Variants in SERPINE3 observed in about 807,000 individuals in gnomAD.
SERPINE3 encodes the protein serpin family E member 3.
Under a neutral mutation model 41.7 loss-of-function variants are expected in SERPINE3, and 43 were observed. The ratio of observed to expected loss-of-function variants is 1.03; its 90% CI spans 0.81 to 1.33. The LOEUF (loss-of-function observed/expected upper bound fraction) is 1.33. Among genes scored for constraint, SERPINE3 ranks in the 40% most tolerant of loss-of-function variants. The pLI is 0.00. For missense variants in SERPINE3, 440 were observed against 491.7 expected (o/e 0.89, Z 0.99); for synonymous variants, 200 against 192.2 (o/e 1.04, Z -0.34).
chr13:51,343,273 A>T (rs1370285100), intron 3 of SERPINE3, among the ~76,000 whole-genome samples: 1 of 152,202 alleles, frequency 6.6e-6, no homozygotes, highest in Non-Finnish European at 1.5e-5. Flanking sequence ...TGTGCCTAAA[A>T]GGGAGTAGAA....
chr13:51,361,641 G>A (rs1192661271), intron 8 of SERPINE3, 169 bp from the exon 9 acceptor site: 1 of 621,476 alleles, frequency 1.6e-6, no homozygotes. Context: ...TTGGCTAAAT[G>A]GCATCTTTTC....
At chr13:51,361,712 G>A in intron 8 of SERPINE3, 98 bp from the exon 9 acceptor site, 1 of 1,055,678 alleles carries the variant, frequency 9.5e-7, no homozygotes, top group African/African-American at 1.6e-5. Flanking sequence ...CCATTAGGAT[G>A]CTTTGATTTC....
At chr13:51,351,319 C>A (rs1389036220) in intron 6 of SERPINE3, among the ~76,000 whole-genome samples, 1 of 152,060 alleles carries the variant, frequency 6.6e-6, no homozygotes, top group Non-Finnish European at 1.5e-5. Flanking sequence ...TTGTTAATGA[C>A]CATCTTTTTA....
At chr13:51,356,521 A>C (rs1187225195) in intron 7 of SERPINE3, among the ~76,000 whole-genome samples, 1 of 152,130 alleles carries the variant, frequency 6.6e-6, no homozygotes, top group African/African-American at 2.4e-5. Flanking sequence ...TTTCTTCTAC[A>C]TCGCTGTATT....
At chr13:51,346,626 C>G (rs775088191) in intron 4 of SERPINE3, among the ~76,000 whole-genome samples, 16 of 152,232 alleles carry the variant, frequency 1.1e-4, no homozygotes, top group Non-Finnish European at 2.1e-4. Context: ...TGAGTTCTCA[C>G]TTTCCATTTC....
intron 7 of SERPINE3, among the ~76,000 whole-genome samples, chr13:51,360,072 G>A (rs1226126281): frequency 6.6e-6 from 1 of 152,052 alleles, no homozygotes; most frequent in Non-Finnish European, 1.5e-5. Context: ...CATCTTACAA[G>A]ATGGATGGAA....
At chr13:51,354,788 G>C (rs987651260) in intron 6 of SERPINE3, among the ~76,000 whole-genome samples, 1 of 152,080 alleles carries the variant, frequency 6.6e-6, no homozygotes. Flanking sequence ...ACTGAAAAAT[G>C]GATAATAACT....
At chr13:51,357,674 C>G (rs12428053) in intron 7 of SERPINE3, among the ~76,000 whole-genome samples, 14,281 of 152,012 alleles carry the variant, frequency 0.094, 988 homozygotes, top group Admixed American at 0.2. Flanking sequence ...AGTTCCCCCC[C>G]AGTCTCCTTG....
At chr13:51,347,726 G>A (rs541161801) in intron 5 of SERPINE3, among the ~76,000 whole-genome samples, 13 of 152,240 alleles carry the variant, frequency 8.5e-5, no homozygotes, top group African/African-American at 2.6e-4. Context: ...ATTTCCTGAC[G>A]TCCTTCTCTG....
chr13:51,349,605 T>C (rs184325285), intron 6 of SERPINE3, among the ~76,000 whole-genome samples: 249 of 152,226 alleles, frequency 1.6e-3, no homozygotes, highest in African/African-American at 5.3e-3. Flanking sequence ...AAGAGACAGA[T>C]GGTGGGACTC....
chr13:51,352,599 T>C lies in SERPINE3; in HGVS notation c.900-2444T>C, dbSNP rs185011169. ...TCTATTTCTTTTTCTCATTTAATTGTCCTACTCGCCCTCCAGTACCATGTG... is the reference window on the plus strand; with the variant it reads ...TCTATTTCTTTTTCTCATTTAATTGCCCTACTCGCCCTCCAGTACCATGTG... On this transcript the variant is annotated intron_variant, in intron 6 of 9. Coordinates refer to ENST00000681248, the MANE Select transcript of SERPINE3 (RefSeq NM_001386375.1). 4.1e-3 allele frequency among the ~76,000 whole-genome samples: 630 copies of C among 152,136 alleles called. 3 individuals are homozygous for C. Among genetic ancestry groups the C allele is most frequent in the African/African-American group, 0.014 (596 of 41,538 alleles).
At chr13:51,360,114 A>C (rs1566197111) in intron 7 of SERPINE3, among the ~76,000 whole-genome samples, 1 of 152,056 alleles carries the variant, frequency 6.6e-6, no homozygotes, top group Non-Finnish European at 1.5e-5. Flanking sequence ...GTCTGGTTTT[A>C]TTCTCTCATG....
At chr13:51,361,705 T>G (rs1955580590) in intron 8 of SERPINE3, 105 bp from the exon 9 acceptor site, 2 of 998,952 alleles carry the variant, frequency 2.0e-6, no homozygotes, top group South Asian at 1.8e-5. Flanking sequence ...TCAAATGCCA[T>G]TAGGATGCTT....
intron 7 of SERPINE3, 71 bp downstream of exon 7, chr13:51,355,214 G>T (rs1440141537): frequency 5.3e-6 from 3 of 567,598 alleles, no homozygotes; most frequent in East Asian, 3.3e-5. Context: ...TTGATTAAGG[G>T]ATTCTCATTT....
chr13:51,354,812 A>G (rs919659897), intron 6 of SERPINE3, among the ~76,000 whole-genome samples: 4 of 152,226 alleles, frequency 2.6e-5, no homozygotes, highest in Non-Finnish European at 4.4e-5. Context: ...AGACAATCAA[A>G]GTCAATGGGA....
intron 8 of SERPINE3, 25 bp from the exon 9 acceptor site, chr13:51,361,785 T>C: frequency 1.9e-6 from 3 of 1,565,884 alleles, no homozygotes; most frequent in Non-Finnish European, 1.7e-6. Context: ...GAAAATGCAA[T>C]GGAATTTTTC....
chr13:51,359,843 A>G (rs1045881023), intron 7 of SERPINE3, among the ~76,000 whole-genome samples: 7 of 152,062 alleles, frequency 4.6e-5, no homozygotes, highest in African/African-American at 1.7e-4. Context: ...AGCTAGTAAG[A>G]GGGGCTAATT....
intron 7 of SERPINE3, among the ~76,000 whole-genome samples, chr13:51,359,182 A>T (rs1955523938): frequency 6.6e-6 from 1 of 152,090 alleles, no homozygotes. Context: ...AGGGGAGTAG[A>T]AAAAGACCAG....
chr13:51,344,781 G>A lies in SERPINE3; in HGVS notation c.490+296G>A, dbSNP rs1337290360. Among the ~76,000 whole-genome samples, 5 of 152,098 alleles carry A rather than the reference G, an allele frequency of 3.3e-5. No homozygotes were observed. The East Asian group carries it at 9.6e-4, about 29-fold the overall frequency. ...CTCTTCAGAGCCTCCCACCTCGGAG[G>A]ACCCCACAGGCTTTCTCCCATGCAA... is the stretch of plus-strand genomic sequence containing the variant. On this transcript the variant is annotated intron_variant, in intron 4 of 9. Coordinates refer to ENST00000681248, the MANE Select transcript of SERPINE3 (RefSeq NM_001386375.1).
Sources: gnomAD v4.1 joint callset for allele counts (sites outside exome capture counted in the v4.1 genomes callset) on GRCh38, gnomAD v4.1.1 for gene constraint, MANE v1.5 for transcripts, NCBI Gene and HGNC (gene_info 2026-07-23, HGNC 2026-07-21) for gene names.